Variants in CPNE8 observed in about 807,000 individuals in gnomAD.
The protein encoded by CPNE8 is copine 8.
In CPNE8, 45 loss-of-function variants were observed where a neutral mutation model predicts 81.5. The observed-to-expected ratio is 0.55, with a 90% CI of 0.44 to 0.71. CPNE8 has a LOEUF of 0.71. CPNE8 is among the 30% of genes least tolerant of loss of function. CPNE8 has a pLI of 0.00. For synonymous variants in CPNE8, 252 were observed against 226.3 expected, an observed-to-expected ratio of 1.11 and a Z score of -1.02; for missense variants, 594 against 672.1, an observed-to-expected ratio of 0.88 and a Z score of 1.28.
In CPNE8 at chr12:38,675,607, A is replaced by G. The variant is rs1207543190; in HGVS notation, c.1432+110T>C. 5.5e-6 allele frequency: 4 copies of G among 723,216 alleles called. No homozygotes were observed. In the African/African-American group the frequency reaches 7.1e-5, roughly 13 times the overall value. 44.8% of individuals were successfully genotyped at this position (723,216 alleles called of 1,614,324 possible). A position where few individuals can be genotyped will look rare whatever the true frequency, so the allele number is the denominator to read the frequency against. ...ACACATGAACATTATATACAAACCC[A>G]AATACACAGTCACATCCTTCTAAAG... On this transcript the variant is annotated intron_variant, in intron 18 of 19. Transcript: ENST00000331366.
chr12:38,873,764 A>T (rs1037652987), intron 2 of CPNE8, among the ~76,000 whole-genome samples: 8 of 152,198 alleles, frequency 5.3e-5, no homozygotes, highest in African/African-American at 1.9e-4. Context: ...TCTAAATATT[A>T]CAAGATTCGG....
At position 38,657,893 on chromosome 12, in the gene CPNE8, G is replaced by A. The variant is rs145575261; in HGVS notation, c.1507-3823C>T. Among the ~76,000 whole-genome samples the A allele has an allele frequency of 5.1e-4, 77 of 152,136 alleles. No individual in the cohort carries two copies. The East Asian group carries it at 0.012, about 25-fold the overall frequency. On this transcript the variant is annotated intron_variant, in intron 19 of 19. Transcript: ENST00000331366. The stretch of plus-strand genomic sequence containing the variant: ...ATCCACACCAAAACCACATCTATAG[G>A]TCACCAACATCAAAGACCAAAGGAA...
At chr12:38,797,817 T>G (rs1006018392) in intron 6 of CPNE8, among the ~76,000 whole-genome samples, 6 of 152,212 alleles carry the variant, frequency 3.9e-5, no homozygotes, top group African/African-American at 1.4e-4. Context: ...TTTAGACGAA[T>G]GTATAACTAG....
chr12:38,732,977 A>G (rs1214479721), intron 10 of CPNE8, among the ~76,000 whole-genome samples: 1 of 152,000 alleles, frequency 6.6e-6, no homozygotes, highest in African/African-American at 2.4e-5. Flanking sequence ...TTCAGCCTCC[A>G]ACATAACATT....
chr12:38,873,181 G>T, intron 2 of CPNE8, 131 bp from the exon 3 acceptor site: 2 of 530,468 alleles, frequency 3.8e-6, no homozygotes, highest in Non-Finnish European at 3.3e-6. Flanking sequence ...ACTTACCCTT[G>T]CAAAAAAAAA....
chr12:38,784,321 A>T (rs187327801), intron 6 of CPNE8, among the ~76,000 whole-genome samples: 1 of 152,172 alleles, frequency 6.6e-6, no homozygotes, highest in Non-Finnish European at 1.5e-5. Flanking sequence ...CATTCAGAGA[A>T]GACAAAAGAA....
chr12:38,687,255 C>T (rs748402893), intron 15 of CPNE8, among the ~76,000 whole-genome samples: 13 of 152,028 alleles, frequency 8.6e-5, no homozygotes, highest in Non-Finnish European at 1.8e-4. Flanking sequence ...AACTTTGATA[C>T]TGTGTCTAAG....
At chr12:38,658,102 G>A (rs568734379) in intron 19 of CPNE8, among the ~76,000 whole-genome samples, 1 of 152,192 alleles carries the variant, frequency 6.6e-6, no homozygotes, top group Non-Finnish European at 1.5e-5. Flanking sequence ...AAACTTCTCC[G>A]AGTTAAAAAA....
intron 19 of CPNE8, among the ~76,000 whole-genome samples, chr12:38,668,191 T>G (rs2136641352): frequency 6.6e-6 from 1 of 152,338 alleles, no homozygotes; most frequent in East Asian, 1.9e-4. Flanking sequence ...TGTCTGTTAC[T>G]TCCTCTGAGA....
Position 38,855,048 on chromosome 12 carries a change from T to A in CPNE8, c.187-6386A>T, listed in dbSNP as rs190533335. 3.7e-3 allele frequency among the ~76,000 whole-genome samples: 557 copies of A among 152,184 alleles called. 2 individuals carry two copies. The highest frequency in any genetic ancestry group is 0.013 in the African/African-American group (534 of 41,554). ...ATTTCAACTGATAAAGTCAGTAAAG[T>A]TACAGGATACAAAATCAACACAGAA... is the stretch of plus-strand genomic sequence containing the variant. On this transcript the variant is annotated intron_variant, in intron 3 of 19. Transcript: ENST00000331366.
At chr12:38,739,368 T>G (rs924394818) in intron 10 of CPNE8, among the ~76,000 whole-genome samples, 5 of 152,170 alleles carry the variant, frequency 3.3e-5, no homozygotes, top group Admixed American at 6.6e-5. Context: ...AATTTCAGAA[T>G]TAATGAGTTC....
At chr12:38,879,088 A>G (rs1944110261) in intron 1 of CPNE8, among the ~76,000 whole-genome samples, 1 of 152,206 alleles carries the variant, frequency 6.6e-6, no homozygotes, top group Non-Finnish European at 1.5e-5. Context: ...AAATAAATAT[A>G]TGTCCTGAAA....
rs368296190 is a variant in CPNE8, at chr12:38,813,567, G to C, written c.407+15812C>G. ...TGTTCAGTGGGCAGTTGTGCCAAGG[G>C]GAGAAATATAATTGTTATAAGACAT... is the stretch of plus-strand genomic sequence containing the variant. On this transcript the variant is annotated intron_variant, in intron 6 of 19. Coordinates refer to ENST00000331366, the MANE Select transcript of CPNE8 (RefSeq NM_153634.3). Among the ~76,000 whole-genome samples the C allele has an allele frequency of 1.2e-3, 186 of 152,216 alleles. 3 individuals carry two copies. In the Middle Eastern group the frequency reaches 0.024, roughly 19 times the overall value.
At chr12:38,711,061 T>G (rs897638245) in intron 13 of CPNE8, among the ~76,000 whole-genome samples, 2 of 152,230 alleles carry the variant, frequency 1.3e-5, no homozygotes, top group Admixed American at 1.3e-4. Flanking sequence ...GATAAAATTT[T>G]GTTCCTACAA....
In CPNE8 at chr12:38,905,524, C is replaced by T. The variant is rs201747748; in HGVS notation, c.11G>A (p.Arg4His). Residue 4 changes from arginine (R) to histidine (H), a missense_variant, in exon 1 of 20, where the codon CGC (arginine) becomes CAC (histidine). Coordinates refer to ENST00000331366, the MANE Select transcript of CPNE8 (RefSeq NM_153634.3). The stretch of plus-strand genomic sequence containing the variant: ...CCCGATGCCCGCAGTGCTGTTGTAG[C>T]GGCTGTCCATATTGGGAGGAGGCGC... MDS[R>H]YNSTAGIGDL... The T allele has an allele frequency of 1.8e-5, 28 of 1,565,616 alleles. No individual in the cohort carries two copies. The East Asian group carries it at 6.1e-4, about 34-fold the overall frequency.
chr12:38,696,461 T>C (rs1939800383), intron 14 of CPNE8, among the ~76,000 whole-genome samples: 1 of 152,066 alleles, frequency 6.6e-6, no homozygotes, highest in Non-Finnish European at 1.5e-5. Context: ...TCTGCAAAGA[T>C]GCTTTTAAAC....
intron 13 of CPNE8, among the ~76,000 whole-genome samples, chr12:38,717,330 C>T (rs1940420129): frequency 6.6e-6 from 1 of 150,590 alleles, no homozygotes; most frequent in African/African-American, 2.4e-5. Flanking sequence ...GAAAAAAACA[C>T]TTGCACATAC....
At chr12:38,736,517 A>ATT (rs67618875) in intron 10 of CPNE8, among the ~76,000 whole-genome samples, 1 of 122,732 alleles carries the variant, frequency 8.1e-6, no homozygotes, top group South Asian at 2.3e-4. Context: ...ACGCCAAATT[A>ATT]TTTTTTAAAA....
At chr12:38,666,230 G>T (rs999146117) in intron 19 of CPNE8, among the ~76,000 whole-genome samples, 5 of 152,126 alleles carry the variant, frequency 3.3e-5, no homozygotes, top group Non-Finnish European at 7.4e-5. Context: ...AAGGGTAATA[G>T]ATCTTAATAA....
Sources: gnomAD v4.1 joint callset for allele counts (sites outside exome capture counted in the v4.1 genomes callset) on GRCh38, gnomAD v4.1.1 for gene constraint, MANE v1.5 for transcripts, NCBI Gene and HGNC (gene_info 2026-07-23, HGNC 2026-07-21) for gene names.